The following SLC14A2 variants were observed in gnomAD, a reference collection of about 807,000 sequenced individuals.
The protein encoded by SLC14A2 is solute carrier family 14 member 2.
Under a neutral mutation model 104.6 loss-of-function variants are expected in SLC14A2, and 91 were observed. The observed-to-expected ratio is 0.87, with a 90% CI of 0.73 to 1.04. The LOEUF (loss-of-function observed/expected upper bound fraction) is 1.04, where lower values mean the gene tolerates loss of function less well. SLC14A2 is among the 50% of genes least tolerant of loss of function. The pLI is 0.00. For missense variants in SLC14A2, 1,189 were observed against 1,156.0 expected, an observed-to-expected ratio of 1.03 and a Z score of -0.41; for synonymous variants, 476 against 466.4, an observed-to-expected ratio of 1.02 and a Z score of -0.27.
At chr18:45,598,196 T>C (rs2044740553) in intron 2 of SLC14A2, among the ~76,000 whole-genome samples, 1 of 152,216 alleles carries the variant, frequency 6.6e-6, no homozygotes, top group Non-Finnish European at 1.5e-5. Context: ...CCCCGACTGT[T>C]AGCGTGTCTG....
chr18:45,331,323 G>A (rs914664790), intron 1 of SLC14A2, among the ~76,000 whole-genome samples: 27 of 152,182 alleles, frequency 1.8e-4, no homozygotes, highest in African/African-American at 5.1e-4. Flanking sequence ...GCATGGAGCT[G>A]CTCTTCCCTC....
intron 2 of SLC14A2, among the ~76,000 whole-genome samples, chr18:45,577,468 G>A (rs1476423866): frequency 6.6e-6 from 1 of 152,160 alleles, no homozygotes; most frequent in Non-Finnish European, 1.5e-5. Context: ...CACATAATTT[G>A]TGAATCTGTT....
At chr18:45,526,405 G>A (rs2144820265) in intron 2 of SLC14A2, among the ~76,000 whole-genome samples, 1 of 152,298 alleles carries the variant, frequency 6.6e-6, no homozygotes, top group South Asian at 2.1e-4. Flanking sequence ...TTAACCAATA[G>A]GTTGGTGCTT....
intron 1 of SLC14A2, among the ~76,000 whole-genome samples, chr18:45,455,794 AACAGTTGAAC>A (rs1177189497): frequency 2.6e-5 from 4 of 152,214 alleles, no homozygotes; most frequent in African/African-American, 9.6e-5. Context: ...CAATCCTATA[AACAGTTGAAC>A]ACAGATACAT....
chr18:45,517,075 G>A (rs887232351), intron 2 of SLC14A2, among the ~76,000 whole-genome samples: 1 of 152,174 alleles, frequency 6.6e-6, no homozygotes, highest in Admixed American at 6.5e-5. Context: ...GACTGGCAGG[G>A]TCCCTGCTCT....
intron 2 of SLC14A2, among the ~76,000 whole-genome samples, chr18:45,549,777 T>A (rs2044029988): frequency 6.6e-6 from 1 of 152,188 alleles, no homozygotes; most frequent in Non-Finnish European, 1.5e-5. Flanking sequence ...TCTTGTGTTT[T>A]GAGGTTTTCT....
intron 1 of SLC14A2, among the ~76,000 whole-genome samples, chr18:45,217,213 T>C (rs1212520437): frequency 6.7e-6 from 1 of 148,818 alleles, no homozygotes. Context: ...TATAAATATT[T>C]ATATATGTTT....
At chr18:45,679,921 GTCT>G (rs2046287585) in intron 19 of SLC14A2, among the ~76,000 whole-genome samples, 4 of 152,218 alleles carry the variant, frequency 2.6e-5, no homozygotes, top group South Asian at 2.1e-4. Context: ...GTACTCATTG[GTCT>G]TCTTCTACCC....
At chr18:45,265,665 G>A (rs907377656) in intron 1 of SLC14A2, among the ~76,000 whole-genome samples, 10 of 152,152 alleles carry the variant, frequency 6.6e-5, no homozygotes, top group Non-Finnish European at 1.3e-4. Flanking sequence ...ATTTAAAAAC[G>A]GATGATTTGG....
intron 1 of SLC14A2, among the ~76,000 whole-genome samples, chr18:45,299,872 T>C (rs1372096197): frequency 6.6e-6 from 1 of 152,224 alleles, no homozygotes; most frequent in Admixed American, 6.5e-5. Context: ...AAGTTTCTAG[T>C]ACTTGTCGTG....
chr18:45,380,306 C>G (rs183647646), intron 1 of SLC14A2, among the ~76,000 whole-genome samples: 295 of 152,280 alleles, frequency 1.9e-3, no homozygotes, highest in African/African-American at 6.0e-3. Context: ...AGGAAAATAT[C>G]TGTAGTCGAC....
In SLC14A2 at chr18:45,595,448, T is replaced by C. The variant is rs541900504; in HGVS notation, c.-34-29183T>C. Among the ~76,000 whole-genome samples, 192 of 152,052 alleles carry C rather than the reference T, an allele frequency of 1.3e-3. 1 individual carries two copies. The highest frequency in any genetic ancestry group is 4.5e-3 in the African/African-American group (188 of 41,478). ...CTGAAGCATGGAAGATGCTAAAATA[T>C]AGGCAATCTTACTTCAAACCCCACA... On this transcript the variant is annotated intron_variant, in intron 2 of 20. Transcript: ENST00000586448.
At chr18:45,227,971 C>G (rs1265363529) in intron 1 of SLC14A2, among the ~76,000 whole-genome samples, 1 of 152,080 alleles carries the variant, frequency 6.6e-6, no homozygotes. Flanking sequence ...TAAAGAGGTA[C>G]TTTGTGTTTC....
intron 2 of SLC14A2, among the ~76,000 whole-genome samples, chr18:45,518,324 T>C (rs2043470597): frequency 6.6e-6 from 1 of 152,192 alleles, no homozygotes; most frequent in Admixed American, 6.5e-5. Flanking sequence ...TGATCCTCTT[T>C]AAAAATTACA....
In SLC14A2 at chr18:45,565,752, T is replaced by C. The variant is rs543889027; in HGVS notation, c.-34-58879T>C. Among the ~76,000 whole-genome samples the C allele has an allele frequency of 8.6e-4, 131 of 152,270 alleles. 2 individuals carry two copies. The highest frequency in any genetic ancestry group is 6.8e-3 in the Middle Eastern group (2 of 294). On this transcript the variant is annotated intron_variant, in intron 2 of 20. Transcript: ENST00000586448. ...CAGTGTGCGTGCCCTGACCCGCTTC[T>C]CCACAGGCAGAGTGCCCTTCTAGGC...
intron 2 of SLC14A2, among the ~76,000 whole-genome samples, chr18:45,590,641 A>G (rs1021446024): frequency 2.6e-5 from 4 of 152,140 alleles, no homozygotes. Context: ...CCTGGAATGT[A>G]AGGGCAGACA....
chr18:45,299,945 T>G (rs1028076693), intron 1 of SLC14A2, among the ~76,000 whole-genome samples: 1 of 152,110 alleles, frequency 6.6e-6, no homozygotes, highest in African/African-American at 2.4e-5. Context: ...GGTGAAGACA[T>G]GCAAGGGGGT....
At chr18:45,488,113 T>C (rs550014059) in intron 2 of SLC14A2, among the ~76,000 whole-genome samples, 76 of 152,272 alleles carry the variant, frequency 5.0e-4, no homozygotes, top group Admixed American at 2.9e-3. Flanking sequence ...AAAATAGTCA[T>C]GTGTTTCATC....
At chr18:45,372,392 A>C (rs1253465876) in intron 1 of SLC14A2, among the ~76,000 whole-genome samples, 1 of 152,036 alleles carries the variant, frequency 6.6e-6, no homozygotes, top group African/African-American at 2.4e-5. Context: ...AGAATACTGG[A>C]TTGAGCTGGA....
Sources: gnomAD v4.1 joint callset for allele counts (sites outside exome capture counted in the v4.1 genomes callset) on GRCh38, gnomAD v4.1.1 for gene constraint, MANE v1.5 for transcripts, NCBI Gene and HGNC (gene_info 2026-07-23, HGNC 2026-07-21) for gene names.